The following ALG8 variants were observed in gnomAD, a reference collection of about 807,000 sequenced individuals.
ALG8 encodes the protein dolichyl pyrophosphate Glc1Man9GlcNAc2 alpha-1,3-glucosyltransferase.
In ALG8, 48 loss-of-function variants were observed where a neutral mutation model predicts 70.2. The observed-to-expected ratio is 0.68, with a 90% confidence interval of 0.54 to 0.87. ALG8 has a LOEUF of 0.87. Ranked by LOEUF, ALG8 falls within the 40% of genes least tolerant of loss-of-function variation. ALG8 has a pLI of 0.00. For missense variants in ALG8, 572 were observed against 608.7 expected (o/e 0.94, Z 0.64); for synonymous variants, 234 against 229.0 (o/e 1.02, Z -0.20).
At chr11:78,128,857 GC>G (rs1160353799) in intron 1 of ALG8, among the ~76,000 whole-genome samples, 1 of 151,382 alleles carries the variant, frequency 6.6e-6, no homozygotes, top group Non-Finnish European at 1.5e-5. Context: ...CTCGTGATCA[GC>G]CTGCCTCGGC....
At chr11:78,111,267 G>A (rs995046756) in intron 8 of ALG8, among the ~76,000 whole-genome samples, 2 of 152,144 alleles carry the variant, frequency 1.3e-5, no homozygotes, top group Admixed American at 6.5e-5. Flanking sequence ...CAACTAATAG[G>A]TGGTAAAACT....
chr11:78,103,448 G>A (rs1859885113), intron 12 of ALG8: 1 of 152,968 alleles, frequency 6.5e-6, no homozygotes, highest in Non-Finnish European at 1.4e-5. Flanking sequence ...TGGGCGACAA[G>A]AGTGAAACTC....
intron 10 of ALG8, among the ~76,000 whole-genome samples, chr11:78,106,081 G>A (rs142289420): frequency 6.6e-6 from 1 of 152,328 alleles, no homozygotes; most frequent in Admixed American, 6.5e-5. Context: ...AATCTGAAAT[G>A]TAGTACAGTA....
chr11:78,106,981 A>G, intron 9 of ALG8, 35 bp from the exon 10 acceptor site: 5 of 1,612,512 alleles, frequency 3.1e-6, no homozygotes, highest in Non-Finnish European at 4.2e-6. Flanking sequence ...CTTCAGTATC[A>G]TTTGAAACAG....
Position 78,106,965 on chromosome 11 carries a change from G to T in ALG8, c.1039-19C>A, listed in dbSNP as rs763527492. On this transcript the variant is annotated intron_variant, in intron 9 of 12. Transcript: ENST00000299626. ...TAGAGGGCTAGAAACAACAGGCAAAGATAAACTTCAGTATCATTTGAAACA... is the reference window on the plus strand; with the variant it reads ...TAGAGGGCTAGAAACAACAGGCAAATATAAACTTCAGTATCATTTGAAACA... The T allele has an allele frequency of 1.5e-5, 24 of 1,613,488 alleles. No homozygotes were observed. Among genetic ancestry groups the T allele is most frequent in the South Asian group, 5.5e-5 (5 of 91,078 alleles).
At chr11:78,119,919 T>C in intron 4 of ALG8, among the ~76,000 whole-genome samples, 1 of 151,948 alleles carries the variant, frequency 6.6e-6, no homozygotes, top group African/African-American at 2.4e-5. Flanking sequence ...CTGGTTAACA[T>C]GGCAAACCCC....
chr11:78,139,033 G>C (rs1236546006), intron 1 of ALG8: 8 of 344,530 alleles, frequency 2.3e-5, no homozygotes, highest in Non-Finnish European at 4.5e-5. Flanking sequence ...AAGGAATAGC[G>C]CACAGCCACT....
intron 2 of ALG8, among the ~76,000 whole-genome samples, chr11:78,125,488 G>A (rs1489525675): frequency 3.3e-5 from 5 of 151,550 alleles, no homozygotes; most frequent in Non-Finnish European, 5.9e-5. Flanking sequence ...TCCCTGGGCC[G>A]GGCATAGTGG....
chr11:78,136,205 T>C (rs772857677), intron 1 of ALG8, among the ~76,000 whole-genome samples: 3 of 150,850 alleles, frequency 2.0e-5, no homozygotes, highest in African/African-American at 4.9e-5. Flanking sequence ...ACCAGTGAGG[T>C]GGCTCAGGCC....
At chr11:78,112,882 G>T in intron 7 of ALG8, 112 bp from the exon 8 acceptor site, 1 of 1,315,612 alleles carries the variant, frequency 7.6e-7, no homozygotes, top group Non-Finnish European at 1.0e-6. Context: ...TGGGGTCTGG[G>T]TTCTAGTAAG....
intron 10 of ALG8, among the ~76,000 whole-genome samples, chr11:78,105,555 G>C (rs1400141985): frequency 6.6e-6 from 1 of 151,092 alleles, no homozygotes; most frequent in Admixed American, 6.6e-5. Flanking sequence ...TGCAATCCCA[G>C]CACTTTGGGA....
At chr11:78,112,351 A>G (rs536333754) in intron 8 of ALG8, 3 of 355,834 alleles carry the variant, frequency 8.4e-6, no homozygotes, top group African/African-American at 6.4e-5. Flanking sequence ...CTGCTGCTGA[A>G]TAGTTTTTTA....
chr11:78,116,556 A>G (rs966106159), intron 5 of ALG8, among the ~76,000 whole-genome samples: 1 of 152,052 alleles, frequency 6.6e-6, no homozygotes, highest in Non-Finnish European at 1.5e-5. Context: ...CGTCTCTAGT[A>G]AAAATACAAA....
At chr11:78,104,538 G>C (rs1859935300) in intron 10 of ALG8, 85 bp from the exon 11 acceptor site, 2 of 1,245,916 alleles carry the variant, frequency 1.6e-6, no homozygotes, top group East Asian at 5.1e-5. Context: ...TATTACATTA[G>C]AACTGGCTGA....
At chr11:78,111,924 T>C (rs563957) in intron 8 of ALG8, among the ~76,000 whole-genome samples, 2 of 152,184 alleles carry the variant, frequency 1.3e-5, no homozygotes, top group African/African-American at 4.8e-5. Context: ...TCCTTACTGG[T>C]TTAATACCGA....
At chr11:78,133,783 G>A (rs1375665906) in intron 1 of ALG8, among the ~76,000 whole-genome samples, 1 of 151,898 alleles carries the variant, frequency 6.6e-6, no homozygotes, top group Non-Finnish European at 1.5e-5. Flanking sequence ...GCGCCTGTAG[G>A]GTCAGCTACT....
chr11:78,109,642 TAAC>T lies in ALG8; in HGVS notation c.899-64_899-62del. On this transcript the variant is annotated intron_variant, in intron 8 of 12. Coordinates refer to ENST00000299626, the MANE Select transcript of ALG8 (RefSeq NM_024079.5). ...TCTTTATTACTGAGATACCATATAT[TAAC>T]AATCAATTCCTTGAGGAATAAAAAG... 10 of 1,448,142 alleles carry T rather than the reference TAAC, an allele frequency of 6.9e-6. No homozygotes were observed. The South Asian group carries it at 1.2e-4, about 17-fold the overall frequency. 89.7% of individuals were successfully genotyped at this position (1,448,142 alleles called of 1,614,324 possible). A position where few individuals can be genotyped will look rare whatever the true frequency, so the allele number is the denominator to read the frequency against.
chr11:78,125,485 G>C (rs1035110658), intron 2 of ALG8, among the ~76,000 whole-genome samples: 1 of 151,564 alleles, frequency 6.6e-6, no homozygotes, highest in Non-Finnish European at 1.5e-5. Context: ...AACTCCCTGG[G>C]CCGGGCATAG....
chr11:78,101,043 A>G lies in ALG8; in HGVS notation c.1502T>C (p.Val501Ala), dbSNP rs1859772454. The change falls in exon 13 of 13, where the codon GTA becomes GCA. Residue 501 changes from valine (V) to alanine (A), a missense_variant. Physicochemically the swap from Val to Ala is moderately conservative, Grantham distance 64. Coordinates refer to ENST00000299626, the MANE Select transcript of ALG8 (RefSeq NM_024079.5). ...TTTGAACCAAGCATATGTGATGCCTACTGCACAATACACTGAGGTTAGTAA... is the reference window on the plus strand; with the variant it reads ...TTTGAACCAAGCATATGTGATGCCTGCTGCACAATACACTGAGGTTAGTAA... Reference protein sequence around the residue: ...PLLLTSVYCAVGITYAWFKLY... With the variant: ...PLLLTSVYCAAGITYAWFKLY... 2 of 1,614,130 alleles carry G rather than the reference A, an allele frequency of 1.2e-6. No homozygotes were observed.
Sources: gnomAD v4.1 joint callset for allele counts (sites outside exome capture counted in the v4.1 genomes callset) on GRCh38, gnomAD v4.1.1 for gene constraint, MANE v1.5 for transcripts, NCBI Gene and HGNC (gene_info 2026-07-23, HGNC 2026-07-21) for gene names.